TOMM40: variants seen among roughly 807,000 people sequenced by gnomAD.
TOMM40 encodes translocase of outer mitochondrial membrane 40, also known as mitochondrial import receptor subunit TOM40 homolog.
A neutral mutation model predicts 38.4 loss-of-function variants in TOMM40; 9 were observed. That is an observed-to-expected ratio of 0.23 (90% CI 0.14 to 0.41). TOMM40 has a LOEUF of 0.41. TOMM40 is among the 10% of genes least tolerant of loss of function. The pLI, the probability that TOMM40 is intolerant of heterozygous loss-of-function variation, is 1.00. For missense variants in TOMM40, 299 were observed against 486.5 expected (o/e 0.61, Z 3.63); for synonymous variants, 184 against 210.0 (o/e 0.88, Z 1.07).
At chr19:44,900,599 A>G (rs1233022039) in intron 5 of TOMM40, 131 bp from the exon 6 acceptor site, 2 of 1,553,692 alleles carry the variant, frequency 1.3e-6, no homozygotes, top group Non-Finnish European at 1.7e-6. Flanking sequence ...GGGTTAGGAG[A>G]AAGGAGCCCT....
chr19:44,897,210 G>T (rs1401724360), intron 5 of TOMM40, among the ~76,000 whole-genome samples: 3 of 152,006 alleles, frequency 2.0e-5, no homozygotes, highest in Non-Finnish European at 4.4e-5. Context: ...TAGAGAGGAG[G>T]CTGTGGGTAG....
Position 44,891,697 on chromosome 19 carries a change from G to T in TOMM40, c.274+8G>T, listed in dbSNP as rs1167089958. ...GCCACCGGAAGTGCAAGGGTGAGGG[G>T]CGAGGGGCCCCCGCTGGGCTGCGAT... On this transcript the variant is annotated splice_region_variant and intron_variant, in intron 1 of 8. Coordinates refer to ENST00000426677, the MANE Select transcript of TOMM40 (RefSeq NM_001128917.2). The T allele has an allele frequency of 1.4e-6, 2 of 1,454,948 alleles. No individual in the cohort carries two copies. The highest frequency in any genetic ancestry group is 2.5e-5 in the Admixed American group (1 of 39,406). The allele number at this position is 1,454,948 out of a possible 1,614,324, so 90.1% of individuals were successfully genotyped here. A position where few individuals can be genotyped will look rare whatever the true frequency, so the allele number is the denominator to read the frequency against.
chr19:44,901,437 G>T, intron 8 of TOMM40, 127 bp downstream of exon 8: 1 of 1,488,864 alleles, frequency 6.7e-7, no homozygotes, highest in South Asian at 1.3e-5. Flanking sequence ...CATTACCAGG[G>T]AACACTTGTT....
chr19:44,898,249 A>G (rs1256884051), intron 5 of TOMM40, among the ~76,000 whole-genome samples: 2 of 152,158 alleles, frequency 1.3e-5, no homozygotes, highest in Non-Finnish European at 2.9e-5. Flanking sequence ...CTAGCAGGCC[A>G]GCCTGCTCCC....
chr19:44,903,375 G>A lies in TOMM40; in HGVS notation c.*206G>A, dbSNP rs1364478739. 1 of 547,720 alleles carries A rather than the reference G, an allele frequency of 1.8e-6. No homozygotes were observed. The highest frequency in any genetic ancestry group is 2.0e-5 in the African/African-American group (1 of 51,084). 33.9% of individuals were successfully genotyped at this position (547,720 alleles called of 1,614,324 possible). A position where few individuals can be genotyped will look rare whatever the true frequency, so the allele number is the denominator to read the frequency against. ...GCGCTTCGGGATTCTGAGTAGCAGG[G>A]GCAGCATGCCCAGTGGGCCTGGGGT... On this transcript the variant is annotated 3_prime_UTR_variant, in exon 9 of 9. Transcript: ENST00000426677.
rs371016438 is a variant in TOMM40 at position 44,903,081 on chromosome 19, C to T, written c.998C>T (p.Pro333Leu). The change falls in exon 9 of 9, where the codon CCA becomes CTA. Residue 333 changes from proline to leucine, a missense_variant. Transcript: ENST00000426677. ...GGTGCCACGCTGGAGAAGAAGCTCC[C>T]ACCCCTGCCCCTGACACTGGCCCTT... ...IVGATLEKKLPPLPLTLALGA... is the reference protein window; with the variant it reads ...IVGATLEKKLLPLPLTLALGA... 5.0e-6 allele frequency: 8 copies of T among 1,612,922 alleles called. No individual in the cohort carries two copies. Among genetic ancestry groups the T allele is most frequent in the Non-Finnish European group, 6.8e-6 (8 of 1,179,986 alleles).
Position 44,903,270 on chromosome 19 carries a change from C to T in TOMM40, c.*101C>T, listed in dbSNP as rs1350543687. On this transcript the variant is annotated 3_prime_UTR_variant, in exon 9 of 9. Coordinates refer to ENST00000426677, the MANE Select transcript of TOMM40 (RefSeq NM_001128917.2). ...CCTGAGCCCCCCTCCCTTCCCTCCC[C>T]CCTTGGGGGTCGGGGGGGACATTGG... 3 of 1,275,102 alleles carry T rather than the reference C, an allele frequency of 2.4e-6. No individual in the cohort carries two copies. The highest frequency in any genetic ancestry group is 2.1e-6 in the Non-Finnish European group (2 of 956,666). The allele number at this position is 1,275,102 out of a possible 1,614,324, so 79.0% of individuals were successfully genotyped here.
At chr19:44,901,434 A>G (rs405697) in intron 8 of TOMM40, 124 bp downstream of exon 8, 1,084,769 of 1,494,492 alleles carry the variant, frequency 0.73, 397,046 homozygotes, top group African/African-American at 0.88. Context: ...CCACATTACC[A>G]GGGAACACTT....
intron 3 of TOMM40, among the ~76,000 whole-genome samples, chr19:44,893,198 T>C (rs1969501498): frequency 6.6e-6 from 1 of 152,014 alleles, no homozygotes; most frequent in Admixed American, 6.6e-5. Context: ...TGACCCAGGG[T>C]GGAAAGGGCT....
chr19:44,903,352 G>A lies in TOMM40; in HGVS notation c.*183G>A, dbSNP rs924713781. On this transcript the variant is annotated 3_prime_UTR_variant, in exon 9 of 9. Coordinates refer to ENST00000426677, the MANE Select transcript of TOMM40 (RefSeq NM_001128917.2). Reference sequence around the variant, plus strand: ...GGAGGGGATTCTGGAACTGAATGGCGCTTCGGGATTCTGAGTAGCAGGGGC... The same window carrying A: ...GGAGGGGATTCTGGAACTGAATGGCACTTCGGGATTCTGAGTAGCAGGGGC... The A allele has an allele frequency of 4.0e-5, 25 of 626,970 alleles. No homozygotes were observed. The highest frequency in any genetic ancestry group is 9.5e-5 in the African/African-American group (5 of 52,788). The allele number at this position is 626,970 out of a possible 1,614,324, so 38.8% of individuals were successfully genotyped here. A position where few individuals can be genotyped will look rare whatever the true frequency, so the allele number is the denominator to read the frequency against.
chr19:44,892,948 C>A lies in TOMM40; in HGVS notation c.435+19C>A. ...CACAGAGGTGAGCTTCCTTTTTCAT[C>A]CATTCATTGTATCCTTCTAATAACA... On this transcript the variant is annotated intron_variant, in intron 3 of 8. Transcript: ENST00000426677. The A allele has an allele frequency of 6.3e-7, 1 of 1,596,130 alleles. No individual in the cohort carries two copies. The highest frequency in any genetic ancestry group is 8.6e-7 in the Non-Finnish European group (1 of 1,165,704).
chr19:44,892,547 C>T lies in TOMM40; in HGVS notation c.342+87C>T, dbSNP rs991436297. 4.7e-6 allele frequency: 6 copies of T among 1,275,460 alleles called. No individual in the cohort carries two copies. The Admixed American group carries it at 8.6e-5, about 18-fold the overall frequency. The allele number at this position is 1,275,460 out of a possible 1,614,324, so 79.0% of individuals were successfully genotyped here. On this transcript the variant is annotated intron_variant, in intron 2 of 8. Transcript: ENST00000426677. ...TGCACACTCGGCCCAATTACTCCTC[C>T]CTCAAGAGCTGGGCTCCCTGATACT...
rs1289234219 is a variant in TOMM40 at position 44,893,811 on chromosome 19, A to G, written c.467A>G (p.Asn156Ser). The stretch of plus-strand genomic sequence containing the variant: ...CCTGTACTGGTGGGTGACATGGACA[A>G]CAGTGGCAGTCTCAACGCTCAGGTC... ...AFPVLVGDMD[N>S]SGSLNAQVIH... Residue 156 changes from asparagine (N) to serine (S), a missense_variant, in exon 4 of 9, where the codon AAC (asparagine) becomes AGC (serine). Physicochemically the swap from Asn to Ser is conservative, Grantham distance 46. Transcript: ENST00000426677. 6.2e-7 allele frequency: 1 copy of G among 1,612,110 alleles called. No individual in the cohort carries two copies. The highest frequency in any genetic ancestry group is 1.3e-5 in the African/African-American group (1 of 74,864).
At position 44,896,943 on chromosome 19, in the gene TOMM40, A is replaced by G. The variant is rs552096926; in HGVS notation, c.643+2877A>G. Among the ~76,000 whole-genome samples, 3 of 152,318 alleles carry G rather than the reference A, an allele frequency of 2.0e-5. No homozygotes were observed. The South Asian group carries it at 6.2e-4, about 32-fold the overall frequency. ...GTGGTACATGCCTGTAGTCCCAACT[A>G]CTGGGGACGCTGAGCTGGCAGGGCA... On this transcript the variant is annotated intron_variant, in intron 5 of 8. Coordinates refer to ENST00000426677, the MANE Select transcript of TOMM40 (RefSeq NM_001128917.2).
At chr19:44,895,336 CA>C (rs1279165031) in intron 5 of TOMM40, among the ~76,000 whole-genome samples, 3 of 151,966 alleles carry the variant, frequency 2.0e-5, no homozygotes, top group Non-Finnish European at 4.4e-5. Context: ...GAAGCAGGAA[CA>C]GGGGTGAGGG....
At chr19:44,899,103 A>G (rs1303785321) in intron 5 of TOMM40, among the ~76,000 whole-genome samples, 1 of 147,078 alleles carries the variant, frequency 6.8e-6, no homozygotes, top group Non-Finnish European at 1.5e-5. Flanking sequence ...ACTGCACTCC[A>G]GCCTGGGCGA....
Position 44,894,059 on chromosome 19 carries a change from GGGTTCA to G in TOMM40, c.640_643+2del. On this transcript the variant is annotated inframe_deletion and splice_region_variant, in exon 5 of 9. Coordinates refer to ENST00000426677, the MANE Select transcript of TOMM40 (RefSeq NM_001128917.2). The stretch of plus-strand genomic sequence containing the variant: ...CCCTGGGGAACCCAGACGTCCTCGT[GGGTTCA>G]GGTAAGAGGCGGAGGGCTTGGAGGG... 1 of 1,513,858 alleles carries G rather than the reference GGGTTCA, an allele frequency of 6.6e-7. No individual in the cohort carries two copies. The highest frequency in any genetic ancestry group is 8.9e-7 in the Non-Finnish European group (1 of 1,129,858). The allele number at this position is 1,513,858 out of a possible 1,614,324, so 93.8% of individuals were successfully genotyped here. A position where few individuals can be genotyped will look rare whatever the true frequency, so the allele number is the denominator to read the frequency against.
rs1441136386 is a variant in TOMM40, at chr19:44,903,283, G to GT, written c.*114_*115insT. ...CCCTTCCCTCCCCCCTTGGGGGTCGGGGGGGACATTGGAAAGGAGGGACCC... is the reference window on the plus strand; with the variant it reads ...CCCTTCCCTCCCCCCTTGGGGGTCGGTGGGGGACATTGGAAAGGAGGGACCC... On this transcript the variant is annotated 3_prime_UTR_variant, in exon 9 of 9. Coordinates refer to ENST00000426677, the MANE Select transcript of TOMM40 (RefSeq NM_001128917.2). The GT allele has an allele frequency of 2.5e-6, 3 of 1,196,948 alleles. No homozygotes were observed. Among genetic ancestry groups the GT allele is most frequent in the Non-Finnish European group, 3.4e-6 (3 of 878,610 alleles). 74.1% of individuals were successfully genotyped at this position (1,196,948 alleles called of 1,614,324 possible).
intron 5 of TOMM40, among the ~76,000 whole-genome samples, chr19:44,894,421 C>G (rs1228435032): frequency 6.6e-6 from 1 of 152,064 alleles, no homozygotes; most frequent in African/African-American, 2.4e-5. Flanking sequence ...GCTACCACGC[C>G]TGGCTAATTT....
Sources: allele counts gnomAD v4.1 joint callset (sites outside exome capture counted in the v4.1 genomes callset), GRCh38; gene constraint gnomAD v4.1.1; transcripts MANE v1.5; gene names NCBI Gene and HGNC (gene_info 2026-07-23, HGNC 2026-07-21).